MAF: variants seen among roughly 807,000 people sequenced by gnomAD.
MAF encodes the protein MAF bZIP transcription factor, also known as transcription factor Maf.
In MAF, 10 loss-of-function variants were observed where a neutral mutation model predicts 22.0. That is an observed-to-expected ratio of 0.45 (90% CI 0.28 to 0.77). The LOEUF (loss-of-function observed/expected upper bound fraction) is 0.77, where lower values mean the gene tolerates loss of function less well. Ranked by LOEUF, MAF falls within the 30% of genes least tolerant of loss-of-function variation. The probability of loss-of-function intolerance (pLI) is 0.12; values close to 1 mark genes in which losing one functional copy is unlikely to be tolerated. For synonymous variants in MAF, 337 were observed against 255.8 expected, an observed-to-expected ratio of 1.32 and a Z score of -3.03; for missense variants, 544 against 548.4, an observed-to-expected ratio of 0.99 and a Z score of 0.08.
At chr16:79,319,981 G>T in the MAF span, among the ~76,000 whole-genome samples, 1 of 152,150 alleles carries the variant, frequency 6.6e-6, no homozygotes, top group Non-Finnish European at 1.5e-5. Context: ...GCAGCTCTTA[G>T]GAGATTCTAA....
the MAF span, among the ~76,000 whole-genome samples, chr16:79,251,268 T>C: frequency 6.6e-6 from 1 of 152,084 alleles, no homozygotes; most frequent in African/African-American, 2.4e-5. Context: ...AACTGTTTTC[T>C]AGGTGTGCAA....
chr16:79,379,679 C>T, the MAF span, among the ~76,000 whole-genome samples: 2 of 152,136 alleles, frequency 1.3e-5, no homozygotes, highest in African/African-American at 2.4e-5. Context: ...TAAGTCATTC[C>T]AGGGGCTGAG....
the MAF span, among the ~76,000 whole-genome samples, chr16:79,558,915 T>C: frequency 3.9e-5 from 6 of 152,222 alleles, no homozygotes; most frequent in African/African-American, 1.4e-4. Context: ...TTCTCTCAAG[T>C]CAAACAAATT....
the MAF span, among the ~76,000 whole-genome samples, chr16:79,368,199 G>T: frequency 6.6e-6 from 1 of 152,144 alleles, no homozygotes; most frequent in Non-Finnish European, 1.5e-5. Context: ...TTTTCATCGC[G>T]TCTGGGAGCT....
chr16:79,358,688 G>A, the MAF span, among the ~76,000 whole-genome samples: 1 of 152,354 alleles, frequency 6.6e-6, no homozygotes, highest in Admixed American at 6.5e-5. Context: ...AGGAAGGCAT[G>A]AAGTGCCGGC....
At chr16:79,239,261 G>A in the MAF span, among the ~76,000 whole-genome samples, 29 of 152,120 alleles carry the variant, frequency 1.9e-4, no homozygotes, top group African/African-American at 6.7e-4. Flanking sequence ...TAGTTTGTGC[G>A]CAGTGATTGA....
chr16:79,213,710 G>C, the MAF span, among the ~76,000 whole-genome samples: 1 of 152,210 alleles, frequency 6.6e-6, no homozygotes. Flanking sequence ...AGACATGTAA[G>C]TGAGGCCATC....
the MAF span, among the ~76,000 whole-genome samples, chr16:79,514,413 T>A: frequency 2.0e-5 from 3 of 152,214 alleles, no homozygotes; most frequent in African/African-American, 7.2e-5. Context: ...ACAAATAATA[T>A]GGAAATATTC....
the MAF span, among the ~76,000 whole-genome samples, chr16:79,374,487 TCTTA>T: frequency 2.0e-5 from 3 of 152,224 alleles, no homozygotes; most frequent in Admixed American, 2.0e-4. Context: ...CATTTCTTCA[TCTTA>T]CTTACTTCTT....
At chr16:79,496,107 CA>C in the MAF span, among the ~76,000 whole-genome samples, 2 of 152,146 alleles carry the variant, frequency 1.3e-5, no homozygotes, top group East Asian at 1.9e-4. Context: ...TCCTGACCCA[CA>C]AAAATTATGA....
At chr16:79,264,162 G>A in the MAF span, among the ~76,000 whole-genome samples, 2 of 152,138 alleles carry the variant, frequency 1.3e-5, no homozygotes, top group African/African-American at 4.8e-5. Context: ...TCATATTGTA[G>A]GATCACATTG....
chr16:79,422,491 C>T, the MAF span, among the ~76,000 whole-genome samples: 2 of 152,150 alleles, frequency 1.3e-5, no homozygotes, highest in African/African-American at 2.4e-5. Flanking sequence ...CCTCCAAGAC[C>T]TTGAGCCAGT....
At chr16:79,491,526 T>C in the MAF span, among the ~76,000 whole-genome samples, 1 of 152,044 alleles carries the variant, frequency 6.6e-6, no homozygotes, top group Non-Finnish European at 1.5e-5. Flanking sequence ...CATAGTGAAA[T>C]CAATCACCAA....
At chr16:79,205,404 G>T in the MAF span, 1 of 152,176 alleles carries the variant, frequency 6.6e-6, no homozygotes, top group African/African-American at 2.4e-5. Context: ...TGCTAGCAAA[G>T]AAATATTTTT....
At chr16:79,255,977 C>CTTTTTTTTTTTTTTTTTTTTTTTTTTTTT in the MAF span, among the ~76,000 whole-genome samples, 10 of 107,944 alleles carry the variant, frequency 9.3e-5, 1 homozygote, top group Admixed American at 1.7e-4. Flanking sequence ...TTTTTCTTTT[C>CTTTTTTTTTTTTTTTTTTTTTTTTTTTTT]TTTTCTTTTT....
At chr16:79,540,686 T>C in the MAF span, among the ~76,000 whole-genome samples, 21 of 152,322 alleles carry the variant, frequency 1.4e-4, no homozygotes, top group South Asian at 3.5e-3. Flanking sequence ...GAAGGTCTAA[T>C]GAGGTTGACA....
the MAF span, among the ~76,000 whole-genome samples, chr16:79,498,233 T>G: frequency 1.3e-5 from 2 of 152,292 alleles, no homozygotes; most frequent in South Asian, 4.2e-4. Flanking sequence ...GCAGCAAACT[T>G]TATTTGTAAA....
the MAF span, among the ~76,000 whole-genome samples, chr16:79,304,370 T>C: frequency 6.6e-6 from 1 of 152,220 alleles, no homozygotes; most frequent in African/African-American, 2.4e-5. Flanking sequence ...CTGTATCGTA[T>C]TACTGTGTAA....
At chr16:79,384,047 T>A in the MAF span, among the ~76,000 whole-genome samples, 1 of 152,126 alleles carries the variant, frequency 6.6e-6, no homozygotes, top group East Asian at 1.9e-4. Context: ...CAATTTAGGT[T>A]CAGATCAAGG....
Sources: allele counts gnomAD v4.1 joint callset (sites outside exome capture counted in the v4.1 genomes callset), GRCh38; gene constraint gnomAD v4.1.1; transcripts MANE v1.5; gene names NCBI Gene and HGNC (gene_info 2026-07-23, HGNC 2026-07-21).